Variants in ARNT2 observed in about 807,000 individuals in gnomAD.
ARNT2 encodes the protein aryl hydrocarbon receptor nuclear translocator 2, also known as ARNT protein 2.
ARNT2 carries 36 observed loss-of-function variants against 91.7 expected under a neutral mutation model. The ratio of observed to expected loss-of-function variants is 0.39; its 90% CI spans 0.30 to 0.52. The LOEUF is 0.52. Ranked by LOEUF, ARNT2 falls within the 20% of genes least tolerant of loss-of-function variation. The pLI, the probability that ARNT2 is intolerant of heterozygous loss-of-function variation, is 0.72. For missense variants in ARNT2, 775 were observed against 939.3 expected (o/e 0.83, Z 2.29); for synonymous variants, 365 against 347.1 (o/e 1.05, Z -0.57).
intron 8 of ARNT2, among the ~76,000 whole-genome samples, chr15:80,526,728 A>G (rs1897646385): frequency 6.6e-6 from 1 of 152,232 alleles, no homozygotes; most frequent in Admixed American, 6.5e-5. Context: ...TGGCCACAGC[A>G]TGCCAGAGGC....
intron 12 of ARNT2, among the ~76,000 whole-genome samples, chr15:80,569,678 T>C (rs1364570412): frequency 6.6e-6 from 1 of 152,246 alleles, no homozygotes; most frequent in Non-Finnish European, 1.5e-5. Flanking sequence ...AGGAGCTTTT[T>C]CTGGTCTAGG....
intron 5 of ARNT2, among the ~76,000 whole-genome samples, chr15:80,496,296 C>G (rs1266251612): frequency 6.6e-6 from 1 of 152,164 alleles, no homozygotes; most frequent in Non-Finnish European, 1.5e-5. Context: ...TGCCCAGCAC[C>G]CTTCTCCCTG....
Position 80,491,555 on chromosome 15 carries a change from G to A in ARNT2, c.622+16332G>A, listed in dbSNP as rs1464684672. On this transcript the variant is annotated intron_variant, in intron 5 of 18. Transcript: ENST00000303329. ...AGATGAGGGGGAAACGTCAGGCCAG[G>A]GACAGCCACAGAGAACCATTATGCA... Among the ~76,000 whole-genome samples, 7 of 152,110 alleles carry A rather than the reference G, an allele frequency of 4.6e-5. No individual in the cohort carries two copies. The East Asian group carries it at 1.4e-3, about 29-fold the overall frequency.
intron 10 of ARNT2, 138 bp downstream of exon 10, chr15:80,552,912 A>G (rs1736811462): frequency 9.4e-7 from 1 of 1,067,734 alleles, no homozygotes; most frequent in Non-Finnish European, 1.3e-6. Flanking sequence ...CCTAGATAGA[A>G]CGATAGATAT....
chr15:80,552,795 CTA>C, intron 10 of ARNT2, 21 bp downstream of exon 10: 29 of 1,605,966 alleles, frequency 1.8e-5, no homozygotes, highest in Non-Finnish European at 2.3e-5. Flanking sequence ...AGTTTTGAGC[CTA>C]TGGCAATTGA....
At chr15:80,459,259 G>T (rs997016589) in intron 3 of ARNT2, among the ~76,000 whole-genome samples, 1 of 152,300 alleles carries the variant, frequency 6.6e-6, no homozygotes, top group Admixed American at 6.5e-5. Context: ...TTGGAGTTTC[G>T]AATCAAAACA....
intron 11 of ARNT2, among the ~76,000 whole-genome samples, chr15:80,557,667 C>T (rs1331753247): frequency 6.6e-6 from 1 of 152,122 alleles, no homozygotes. Context: ...GTCCTCCTCT[C>T]ATCACCATCC....
chr15:80,419,782 G>T (rs1213024454), intron 1 of ARNT2, among the ~76,000 whole-genome samples: 1 of 152,226 alleles, frequency 6.6e-6, no homozygotes, highest in Non-Finnish European at 1.5e-5. Context: ...CACCATGCCG[G>T]TTCTTAGGGA....
intron 8 of ARNT2, among the ~76,000 whole-genome samples, chr15:80,540,201 G>C (rs1402622119): frequency 1.3e-5 from 2 of 152,128 alleles, no homozygotes; most frequent in Non-Finnish European, 2.9e-5. Flanking sequence ...TCCTGTGGTA[G>C]CTCCACGTTT....
intron 11 of ARNT2, among the ~76,000 whole-genome samples, chr15:80,557,717 C>A (rs1346826577): frequency 6.6e-6 from 1 of 152,038 alleles, no homozygotes. Flanking sequence ...ACATCCTTAG[C>A]CCTTCCCTCA....
chr15:80,548,695 A>C (rs1485691974), intron 8 of ARNT2, among the ~76,000 whole-genome samples: 4 of 152,162 alleles, frequency 2.6e-5, no homozygotes, highest in Admixed American at 6.5e-5. Flanking sequence ...TTTAATGAGT[A>C]CACAAAGTAC....
chr15:80,564,728 T>C (rs1480260739), intron 12 of ARNT2, among the ~76,000 whole-genome samples: 1 of 144,510 alleles, frequency 6.9e-6, no homozygotes, highest in Admixed American at 6.9e-5. Context: ...TTCCCATCTT[T>C]ATGTCTGTGA....
chr15:80,517,214 G>A (rs991287087), intron 8 of ARNT2, among the ~76,000 whole-genome samples: 6 of 152,018 alleles, frequency 3.9e-5, no homozygotes, highest in African/African-American at 1.2e-4. Flanking sequence ...GAAATTATGA[G>A]ATATGGAAAT....
At chr15:80,446,469 G>C (rs921374047) in intron 1 of ARNT2, among the ~76,000 whole-genome samples, 1 of 152,170 alleles carries the variant, frequency 6.6e-6, no homozygotes, top group African/African-American at 2.4e-5. Flanking sequence ...ATCTGGGCCT[G>C]TGATTGAGAA....
intron 1 of ARNT2, among the ~76,000 whole-genome samples, chr15:80,431,689 G>A (rs908794715): frequency 3.9e-5 from 6 of 152,194 alleles, no homozygotes; most frequent in Non-Finnish European, 7.4e-5. Context: ...TCTGCCTCCT[G>A]TCTGGCTGTT....
chr15:80,442,666 T>G (rs1452773442), intron 1 of ARNT2, among the ~76,000 whole-genome samples: 3 of 152,220 alleles, frequency 2.0e-5, no homozygotes, highest in Non-Finnish European at 2.9e-5. Flanking sequence ...AGGCTGCTAC[T>G]GAATGTGTGG....
Position 80,593,896 on chromosome 15 carries a change from G to A in ARNT2, c.*198G>A, listed in dbSNP as rs1314325765. On this transcript the variant is annotated 3_prime_UTR_variant, in exon 19 of 19. Coordinates refer to ENST00000303329, the MANE Select transcript of ARNT2 (RefSeq NM_014862.4). ...CGCGGCTGCTCGGCCACTGACCAGGGGCCCTGGCAGACATTAGGGGATCAG... is the reference window on the plus strand; with the variant it reads ...CGCGGCTGCTCGGCCACTGACCAGGAGCCCTGGCAGACATTAGGGGATCAG... The A allele has an allele frequency of 1.7e-6, 1 of 582,438 alleles. No homozygotes were observed. The highest frequency in any genetic ancestry group is 1.9e-5 in the African/African-American group (1 of 53,558). 36.1% of individuals were successfully genotyped at this position (582,438 alleles called of 1,614,324 possible). A position where few individuals can be genotyped will look rare whatever the true frequency, so the allele number is the denominator to read the frequency against.
intron 1 of ARNT2, chr15:80,444,643 T>C (rs1362924089): frequency 6.6e-6 from 1 of 152,212 alleles, no homozygotes; most frequent in East Asian, 2.0e-4. Context: ...GTGTGATGTG[T>C]GTGCGTGGTG....
intron 15 of ARNT2, 71 bp from the exon 16 acceptor site, chr15:80,580,340 G>A: frequency 6.3e-7 from 1 of 1,576,082 alleles, no homozygotes; most frequent in Non-Finnish European, 8.7e-7. Context: ...CAGATTGTGT[G>A]GTTGGCTGGG....
Sources: allele counts gnomAD v4.1 joint callset (sites outside exome capture counted in the v4.1 genomes callset), GRCh38; gene constraint gnomAD v4.1.1; transcripts MANE v1.5; gene names NCBI Gene and HGNC (gene_info 2026-07-23, HGNC 2026-07-21).